The following CNTNAP5 variants were observed in gnomAD, a reference collection of about 807,000 sequenced individuals.
CNTNAP5 encodes contactin-associated protein-like 5.
A neutral mutation model predicts 150.2 loss-of-function variants in CNTNAP5; 72 were observed. The observed-to-expected ratio is 0.48, with a 90% CI of 0.40 to 0.58. The LOEUF (loss-of-function observed/expected upper bound fraction) is 0.58. CNTNAP5 is among the 20% of genes least tolerant of loss of function. The pLI is 0.00. For synonymous variants in CNTNAP5, 672 were observed against 619.8 expected (o/e 1.08, Z -1.25); for missense variants, 1,636 against 1,626.2 (o/e 1.01, Z -0.10).
chr2:124,615,345 T>C (rs1677473286), intron 12 of CNTNAP5, among the ~76,000 whole-genome samples: 1 of 152,240 alleles, frequency 6.6e-6, no homozygotes, highest in Admixed American at 6.5e-5. Flanking sequence ...ACTAAGCTTG[T>C]GGAATATTCT....
chr2:124,749,666 G>A (rs542204716), intron 14 of CNTNAP5, among the ~76,000 whole-genome samples: 30 of 152,076 alleles, frequency 2.0e-4, no homozygotes, highest in African/African-American at 6.5e-4. Flanking sequence ...CTCCTGCCTC[G>A]ACCTCCCAAA....
intron 3 of CNTNAP5, among the ~76,000 whole-genome samples, chr2:124,335,216 C>A (rs1689442769): frequency 1.3e-5 from 2 of 152,134 alleles, no homozygotes; most frequent in African/African-American, 4.8e-5. Flanking sequence ...ACTTTCTCAA[C>A]ACTAACCAGG....
At chr2:124,812,992 T>C (rs564990632) in intron 19 of CNTNAP5, among the ~76,000 whole-genome samples, 1 of 152,306 alleles carries the variant, frequency 6.6e-6, no homozygotes, top group East Asian at 1.9e-4. Context: ...CACTTCTCAG[T>C]CTTCTGGATG....
Position 124,524,415 on chromosome 2 carries a change from G to A in CNTNAP5, c.1440G>A (p.Trp480Ter). 1.2e-6 allele frequency: 2 copies of A among 1,613,484 alleles called. No homozygotes were observed. The highest frequency in any genetic ancestry group is 1.3e-5 in the African/African-American group (1 of 75,016). ...EAAPPAPDST[W>*]VQIYSGNSYY... ...CACCCCCGGCTCCAGACAGCACTTG[G>A]GTGCAGATTTATTCTGGAAATAGCT... Residue 480 changes from tryptophan (W) to a stop codon, truncating the protein, a stop_gained, in exon 9 of 24, where the codon TGG becomes TGA. Coordinates refer to ENST00000682447, the MANE Select transcript of CNTNAP5 (RefSeq NM_001367498.1). LOFTEE classifies it high-confidence loss of function.
At chr2:124,668,276 C>T (rs552460742) in intron 13 of CNTNAP5, among the ~76,000 whole-genome samples, 1 of 152,300 alleles carries the variant, frequency 6.6e-6, no homozygotes, top group Admixed American at 6.5e-5. Flanking sequence ...CCAAGAGATT[C>T]CACTAGGTTA....
chr2:124,445,144 C>G (rs993933317), intron 5 of CNTNAP5, among the ~76,000 whole-genome samples: 6 of 148,038 alleles, frequency 4.1e-5, no homozygotes, highest in Non-Finnish European at 8.9e-5. Context: ...GGCTGGAGTG[C>G]AGTGGCGCGA....
In CNTNAP5 at chr2:124,917,579, C is replaced by T. The variant is rs767439624; in HGVS notation, c.*3291C>T. Among the ~76,000 whole-genome samples the T allele has an allele frequency of 1.3e-5, 2 of 152,042 alleles. No individual in the cohort carries two copies. The highest frequency in any genetic ancestry group is 2.9e-5 in the Non-Finnish European group (2 of 67,994). ...TGTTTTAAAACAACTTTTTTCCTCT[C>T]CTTAGTAATAACAGAGATGGTATTA... On this transcript the variant is annotated 3_prime_UTR_variant, in exon 24 of 24. Coordinates refer to ENST00000682447, the MANE Select transcript of CNTNAP5 (RefSeq NM_001367498.1).
intron 17 of CNTNAP5, among the ~76,000 whole-genome samples, chr2:124,774,199 CT>C (rs1166316853): frequency 7.2e-5 from 11 of 151,752 alleles, no homozygotes; most frequent in African/African-American, 2.7e-4. Flanking sequence ...ACTTTGTTTC[CT>C]TTTTTGTTTA....
At chr2:124,586,173 C>T (rs1427330680) in intron 11 of CNTNAP5, among the ~76,000 whole-genome samples, 2 of 152,218 alleles carry the variant, frequency 1.3e-5, no homozygotes, top group South Asian at 2.1e-4. Flanking sequence ...CACTAGATGG[C>T]GATTTCAATA....
At chr2:124,475,129 C>G (rs1251210293) in intron 7 of CNTNAP5, among the ~76,000 whole-genome samples, 2 of 151,400 alleles carry the variant, frequency 1.3e-5, no homozygotes, top group African/African-American at 4.9e-5. Context: ...GACTGTGGGT[C>G]ATATTTCAAC....
At chr2:124,411,488 T>A (rs1385288428) in intron 3 of CNTNAP5, among the ~76,000 whole-genome samples, 1 of 150,850 alleles carries the variant, frequency 6.6e-6, no homozygotes, top group Admixed American at 6.6e-5. Context: ...AATAAAATAC[T>A]GGGAAAATGA....
intron 8 of CNTNAP5, among the ~76,000 whole-genome samples, chr2:124,507,496 G>T (rs772807712): frequency 9.9e-5 from 15 of 152,090 alleles, no homozygotes; most frequent in Non-Finnish European, 2.2e-4. Context: ...AACAGGTATG[G>T]TAGTAAATCA....
At chr2:124,441,537 C>G (rs1692674135) in intron 5 of CNTNAP5, among the ~76,000 whole-genome samples, 1 of 151,880 alleles carries the variant, frequency 6.6e-6, no homozygotes, top group Admixed American at 6.6e-5. Context: ...ATTGAGTATT[C>G]TATTTATTAA....
chr2:124,797,900 G>C (rs768085280), intron 18 of CNTNAP5, among the ~76,000 whole-genome samples, 196 bp from the exon 19 acceptor site: 17 of 152,192 alleles, frequency 1.1e-4, no homozygotes, highest in Admixed American at 2.0e-4. Flanking sequence ...ACCTATGAGA[G>C]CATTAAGTTT....
intron 1 of CNTNAP5, among the ~76,000 whole-genome samples, chr2:124,042,451 G>A (rs1233342716): frequency 6.6e-6 from 1 of 152,086 alleles, no homozygotes; most frequent in Non-Finnish European, 1.5e-5. Flanking sequence ...TAATGGCCTG[G>A]CTGTACTGTC....
At chr2:124,176,047 C>A (rs1016672137) in intron 1 of CNTNAP5, among the ~76,000 whole-genome samples, 3 of 152,184 alleles carry the variant, frequency 2.0e-5, no homozygotes, top group Admixed American at 1.3e-4. Flanking sequence ...GTCCTTGTGG[C>A]TGAAAATACT....
intron 1 of CNTNAP5, among the ~76,000 whole-genome samples, chr2:124,059,141 A>C (rs1247964021): frequency 6.6e-6 from 1 of 152,302 alleles, no homozygotes; most frequent in South Asian, 2.1e-4. Flanking sequence ...TGTTTTCAAC[A>C]GCACTAACGC....
intron 13 of CNTNAP5, among the ~76,000 whole-genome samples, chr2:124,704,377 T>C (rs974706172): frequency 6.6e-6 from 1 of 152,126 alleles, no homozygotes; most frequent in Admixed American, 6.5e-5. Flanking sequence ...TTAAAAGAGA[T>C]TAAACAAACA....
chr2:124,505,110 T>C (rs549808011), intron 8 of CNTNAP5, among the ~76,000 whole-genome samples: 11 of 152,308 alleles, frequency 7.2e-5, no homozygotes, highest in African/African-American at 2.6e-4. Context: ...AGCAGTCTCA[T>C]TGGAAAGATG....
Sources: allele counts gnomAD v4.1 joint callset (sites outside exome capture counted in the v4.1 genomes callset), GRCh38; gene constraint gnomAD v4.1.1; transcripts MANE v1.5; gene names NCBI Gene and HGNC (gene_info 2026-07-23, HGNC 2026-07-21).